The following PTPRD variants were observed in gnomAD, a reference collection of about 807,000 sequenced individuals.
PTPRD encodes receptor-type tyrosine-protein phosphatase delta.
In PTPRD, 34 loss-of-function variants were observed where a neutral mutation model predicts 214.5. The ratio of observed to expected loss-of-function variants is 0.16; its 90% CI spans 0.12 to 0.21. The LOEUF (loss-of-function observed/expected upper bound fraction) is 0.21, where lower values mean the gene tolerates loss of function less well. Among genes scored for constraint, PTPRD ranks in the 10% least tolerant of loss-of-function variants. The pLI is 1.00. For missense variants in PTPRD, 2,545 were observed against 2,398.7 expected (o/e 1.06, Z -1.27); for synonymous variants, 1,128 against 845.7 (o/e 1.33, Z -5.79).
At chr9:8,886,271 A>G (rs2098486718) in intron 11 of PTPRD, among the ~76,000 whole-genome samples, 1 of 152,176 alleles carries the variant, frequency 6.6e-6, no homozygotes, top group Non-Finnish European at 1.5e-5. Flanking sequence ...ATGAAAAGAT[A>G]TGCTTAATGG....
chr9:10,525,231 T>C (rs2053876403), intron 2 of PTPRD, among the ~76,000 whole-genome samples: 3 of 152,084 alleles, frequency 2.0e-5, no homozygotes, highest in Admixed American at 2.0e-4. Flanking sequence ...TTCTAATATT[T>C]CTTTTCACAA....
chr9:8,526,053 C>T (rs2074026450), intron 17 of PTPRD, among the ~76,000 whole-genome samples: 1 of 151,954 alleles, frequency 6.6e-6, no homozygotes, highest in African/African-American at 2.4e-5. Context: ...GGGAGTCATT[C>T]TTTGACTTTT....
At chr9:9,421,703 A>G (rs1219053016) in intron 8 of PTPRD, among the ~76,000 whole-genome samples, 1 of 152,132 alleles carries the variant, frequency 6.6e-6, no homozygotes, top group African/African-American at 2.4e-5. Context: ...ACTAACCAAA[A>G]GAAAATATTC....
intron 4 of PTPRD, among the ~76,000 whole-genome samples, chr9:9,991,118 G>C (rs2095901745): frequency 6.6e-6 from 1 of 151,744 alleles, no homozygotes; most frequent in Admixed American, 6.6e-5. Context: ...ACTTTTAGTA[G>C]AAACGGGGTT....
At chr9:9,152,625 G>T (rs976630125) in intron 10 of PTPRD, among the ~76,000 whole-genome samples, 2 of 152,184 alleles carry the variant, frequency 1.3e-5, no homozygotes, top group African/African-American at 2.4e-5. Context: ...GGTGCCAAAT[G>T]AATTGCTTGA....
At chr9:9,980,641 A>AC (rs2095513618) in intron 4 of PTPRD, among the ~76,000 whole-genome samples, 1 of 132,532 alleles carries the variant, frequency 7.5e-6, no homozygotes, top group Non-Finnish European at 1.6e-5. Flanking sequence ...AAAACAAAAA[A>AC]AAAAACCCTT....
At chr9:9,372,395 G>A (rs1174155221) in intron 9 of PTPRD, among the ~76,000 whole-genome samples, 1 of 151,982 alleles carries the variant, frequency 6.6e-6, no homozygotes, top group Non-Finnish European at 1.5e-5. Context: ...TTTGATCTTT[G>A]TTGGTTTAAA....
chr9:9,498,455 A>T (rs922719375), intron 8 of PTPRD, among the ~76,000 whole-genome samples: 7 of 152,132 alleles, frequency 4.6e-5, no homozygotes, highest in African/African-American at 7.2e-5. Context: ...ATAAATTATC[A>T]TATCTCAGCT....
chr9:9,859,351 T>C (rs1243327933), intron 5 of PTPRD, among the ~76,000 whole-genome samples: 2 of 152,216 alleles, frequency 1.3e-5, no homozygotes, highest in African/African-American at 4.8e-5. Flanking sequence ...CTTCCTGGAC[T>C]ATTGGTGTTG....
intron 3 of PTPRD, among the ~76,000 whole-genome samples, chr9:10,180,128 G>T (rs1286418188): frequency 6.6e-6 from 1 of 151,774 alleles, no homozygotes; most frequent in Non-Finnish European, 1.5e-5. Context: ...AGTTCCAAAA[G>T]ATATACAATA....
chr9:9,631,232 AAG>A (rs988446656), intron 7 of PTPRD, among the ~76,000 whole-genome samples: 7 of 150,904 alleles, frequency 4.6e-5, no homozygotes, highest in South Asian at 2.1e-4. Flanking sequence ...TAAAAAGAAA[AAG>A]AAAAAAAAAA....
At chr9:9,868,623 G>A (rs75206331) in intron 5 of PTPRD, among the ~76,000 whole-genome samples, 8,812 of 151,914 alleles carry the variant, frequency 0.058, 794 homozygotes, top group African/African-American at 0.2. Context: ...CCCTGAGCGG[G>A]AGAATACCCT....
rs6150914 is a variant in PTPRD at position 10,372,836 on chromosome 9, C to CATTATTATTATTATT, written c.-599-31834_-599-31820dup. Among the ~76,000 whole-genome samples, 228 of 146,636 alleles carry CATTATTATTATTATT rather than the reference C, an allele frequency of 1.6e-3. 1 individual carries two copies. The highest frequency in any genetic ancestry group is 4.9e-3 in the African/African-American group (196 of 40,234). On this transcript the variant is annotated intron_variant, in intron 2 of 45. Coordinates refer to ENST00000381196, the MANE Select transcript of PTPRD (RefSeq NM_002839.4). ...AGTATGCAAAATATTTGTTTTTATA[C>CATTATTATTATTATT]ATTATTATTATTATTATTAATTATT...
chr9:9,129,891 C>T (rs995290759), intron 10 of PTPRD, among the ~76,000 whole-genome samples: 3 of 152,110 alleles, frequency 2.0e-5, no homozygotes, highest in African/African-American at 7.2e-5. Flanking sequence ...TTTCCACTTA[C>T]CAGTTTTTTT....
At chr9:8,601,450 G>A (rs868430865) in intron 14 of PTPRD, among the ~76,000 whole-genome samples, 19 of 152,200 alleles carry the variant, frequency 1.2e-4, no homozygotes, top group African/African-American at 4.3e-4. Flanking sequence ...TGCTATTCTT[G>A]CTTCAGCTAT....
chr9:10,547,069 C>T (rs1474261093), intron 2 of PTPRD, among the ~76,000 whole-genome samples: 2 of 151,980 alleles, frequency 1.3e-5, no homozygotes, highest in Non-Finnish European at 2.9e-5. Context: ...TCATATGACG[C>T]TTTTTCTCTA....
chr9:9,309,360 T>C (rs1463320291), intron 9 of PTPRD, among the ~76,000 whole-genome samples: 1 of 152,114 alleles, frequency 6.6e-6, no homozygotes, highest in Non-Finnish European at 1.5e-5. Flanking sequence ...ACAAAGAATG[T>C]AATCTTTCAG....
At position 10,559,330 on chromosome 9, in the gene PTPRD, C is replaced by G. The variant is rs192124880; in HGVS notation, c.-600+53068G>C. Among the ~76,000 whole-genome samples the G allele has an allele frequency of 2.2e-4, 34 of 152,140 alleles. No individual in the cohort carries two copies. The East Asian group carries it at 6.2e-3, about 28-fold the overall frequency. On this transcript the variant is annotated intron_variant, in intron 2 of 45. Transcript: ENST00000381196. Reference sequence around the variant, plus strand: ...TTGCAATATTAATTTACTATGCTATCCATTAACCAAATGTGATTATTTAAA... The same window carrying G: ...TTGCAATATTAATTTACTATGCTATGCATTAACCAAATGTGATTATTTAAA...
intron 14 of PTPRD, among the ~76,000 whole-genome samples, chr9:8,603,899 G>C (rs1031529744): frequency 7.9e-5 from 12 of 152,138 alleles, no homozygotes; most frequent in African/African-American, 2.9e-4. Context: ...ATGAAAACAT[G>C]TACTTTGTAT....
Sources: gnomAD v4.1 joint callset for allele counts (sites outside exome capture counted in the v4.1 genomes callset) on GRCh38, gnomAD v4.1.1 for gene constraint, MANE v1.5 for transcripts, NCBI Gene and HGNC (gene_info 2026-07-23, HGNC 2026-07-21) for gene names.